FRY: variants seen among roughly 807,000 people sequenced by gnomAD.
The protein encoded by FRY is protein furry homolog.
Under a neutral mutation model 348.4 loss-of-function variants are expected in FRY, and 128 were observed. The observed-to-expected ratio is 0.37, with a 90% CI of 0.32 to 0.43. The LOEUF is 0.43. Among genes scored for constraint, FRY ranks in the 20% least tolerant of loss-of-function variants. The pLI, the probability that FRY is intolerant of heterozygous loss-of-function variation, is 1.00. For synonymous variants in FRY, 1,370 were observed against 1,374.7 expected, an observed-to-expected ratio of 1.00 and a Z score of 0.08; for missense variants, 2,736 against 3,695.2, an observed-to-expected ratio of 0.74 and a Z score of 6.73.
intron 16 of FRY, among the ~76,000 whole-genome samples, chr13:32,158,873 G>A (rs1459047750): frequency 7.0e-6 from 1 of 143,800 alleles, no homozygotes; most frequent in Non-Finnish European, 1.5e-5. Flanking sequence ...AGCCAAGATT[G>A]CACCACTGCA....
chr13:32,070,844 G>C (rs2138494497), intron 1 of FRY, among the ~76,000 whole-genome samples: 1 of 152,186 alleles, frequency 6.6e-6, no homozygotes, highest in East Asian at 1.9e-4. Flanking sequence ...TATGGTTTTA[G>C]GTCTAACATT....
At chr13:32,106,857 A>G (rs1566074571) in intron 3 of FRY, among the ~76,000 whole-genome samples, 1 of 152,252 alleles carries the variant, frequency 6.6e-6, no homozygotes, top group Non-Finnish European at 1.5e-5. Flanking sequence ...TGCCCAAAGT[A>G]GAACTATTTA....
chr13:32,235,489 T>A (rs1886176800), intron 42 of FRY, among the ~76,000 whole-genome samples: 1 of 152,162 alleles, frequency 6.6e-6, no homozygotes, highest in Non-Finnish European at 1.5e-5. Flanking sequence ...CTAGGCGTGG[T>A]AGCACACGCC....
chr13:32,119,074 G>A (rs1878484640), intron 4 of FRY, among the ~76,000 whole-genome samples: 1 of 152,168 alleles, frequency 6.6e-6, no homozygotes, highest in African/African-American at 2.4e-5. Context: ...ATTTTCAGGA[G>A]ATCAGAGTAA....
In FRY at chr13:32,260,596, C is replaced by T. The variant is rs184222542; in HGVS notation, c.7417-1020C>T. Among the ~76,000 whole-genome samples the T allele has an allele frequency of 1.1e-4, 17 of 152,226 alleles. No individual in the cohort carries two copies. The East Asian group carries it at 1.5e-3, about 14-fold the overall frequency. Reference sequence around the variant, plus strand: ...ACAAATCAACAATAATATTTGGGGCCGGGTGCAGTGGCTCACGCCTGTAAT... The same window carrying T: ...ACAAATCAACAATAATATTTGGGGCTGGGTGCAGTGGCTCACGCCTGTAAT... On this transcript the variant is annotated intron_variant, in intron 51 of 60. Transcript: ENST00000542859.
At chr13:32,161,293 T>A (rs902515012) in intron 17 of FRY, 42 bp downstream of exon 17, 2 of 1,133,488 alleles carry the variant, frequency 1.8e-6, no homozygotes, top group Non-Finnish European at 2.7e-6. Flanking sequence ...TTTCGATCCT[T>A]TGTTGTGACT....
rs1313766523 is a variant in FRY at position 32,179,040 on chromosome 13, T to C, written c.2871+7T>C. The C allele has an allele frequency of 2.5e-6, 4 of 1,608,524 alleles. No homozygotes were observed. The East Asian group carries it at 6.7e-5, about 27-fold the overall frequency. On this transcript the variant is annotated splice_region_variant and intron_variant, in intron 22 of 60. Coordinates refer to ENST00000542859, the MANE Select transcript of FRY (RefSeq NM_023037.3). ...AGTGAGCTACGATAACAAGGTGACA[T>C]GACATGCTTCAGAAGAATTATTCTG...
At position 32,267,241 on chromosome 13, in the gene FRY, A is replaced by G. The variant is rs1887969432; in HGVS notation, c.8018A>G (p.Gln2673Arg). 6.2e-7 allele frequency: 1 copy of G among 1,614,130 alleles called. No homozygotes were observed. Among genetic ancestry groups the G allele is most frequent in the East Asian group, 2.2e-5 (1 of 44,882 alleles). The part of the protein sequence containing the change: ...PFFSAILAAF[Q>R]PAACDDAEEA... ...TTCTCAGCCATCCTTGCCGCCTTTC[A>G]GCCCGCAGCCTGTGACGATGCCGAG... Residue 2673 changes from glutamine (Q) to arginine (R), a missense_variant, in exon 55 of 61, where the codon CAG becomes CGG. Around this residue, in one of 9 missense-constraint regions of FRY, gnomAD observed 789 missense variants for 996.2 expected, o/e 0.79. Transcript: ENST00000542859.
At chr13:32,227,814 C>T (rs1001667999) in intron 39 of FRY, among the ~76,000 whole-genome samples, 20 of 150,292 alleles carry the variant, frequency 1.3e-4, no homozygotes, top group East Asian at 3.9e-4. Context: ...CGCAGCGGCG[C>T]GATCTCAGCT....
chr13:32,247,540 A>G (rs756053925), intron 48 of FRY, 38 bp downstream of exon 48: 9 of 1,485,628 alleles, frequency 6.1e-6, no homozygotes, highest in African/African-American at 2.8e-5. Context: ...GAACTTTAGC[A>G]TGAATTTGTA....
At chr13:32,145,791 G>A (rs149962573) in intron 11 of FRY, among the ~76,000 whole-genome samples, 9,595 of 151,462 alleles carry the variant, frequency 0.063, 406 homozygotes, top group Non-Finnish European at 0.095. Flanking sequence ...TGATCCACCC[G>A]CCTCGGCCTC....
Position 32,295,289 on chromosome 13 carries a change from G to A in FRY, c.8871G>A (p.Leu2957=). The change falls in exon 61 of 61, where the codon CTG becomes CTA. Residue 2957 remains leucine (L), a synonymous_variant. Transcript: ENST00000542859. ...ATATTTATTTCCGTCACCAAACTCT[G>A]GGACAGACGGGTACTTATGCCCTGG... is the stretch of plus-strand genomic sequence containing the variant. ...LLNIYFRHQT[L]GQTGTYALVG... The A allele has an allele frequency of 6.2e-7, 1 of 1,613,954 alleles. No individual in the cohort carries two copies. The highest frequency in any genetic ancestry group is 8.5e-7 in the Non-Finnish European group (1 of 1,179,866).
chr13:32,223,349 G>A (rs112679876), intron 36 of FRY, among the ~76,000 whole-genome samples: 30 of 152,196 alleles, frequency 2.0e-4, no homozygotes, highest in African/African-American at 5.3e-4. Flanking sequence ...TTTTCTTTTC[G>A]TATATCTGTA....
Position 32,066,568 on chromosome 13 carries a change from A to G in FRY, c.71-12266A>G, listed in dbSNP as rs1195212557. On this transcript the variant is annotated intron_variant, in intron 1 of 60. Transcript: ENST00000542859. Reference sequence around the variant, plus strand: ...CCACTTCTTCAGCACCTTAATCATCATAACAAGTGCAGGTCTGTTTGTGTA... The same window carrying G: ...CCACTTCTTCAGCACCTTAATCATCGTAACAAGTGCAGGTCTGTTTGTGTA... Among the ~76,000 whole-genome samples the G allele has an allele frequency of 3.3e-5, 5 of 152,236 alleles. No individual in the cohort carries two copies. In the East Asian group the frequency reaches 9.6e-4, roughly 29 times the overall value.
At chr13:32,221,704 G>A (rs999799590) in intron 36 of FRY, among the ~76,000 whole-genome samples, 1 of 152,116 alleles carries the variant, frequency 6.6e-6, no homozygotes. Flanking sequence ...GTAGAGACAG[G>A]GTTTCACCAT....
At chr13:32,125,477 C>G (rs1878962647) in intron 7 of FRY, among the ~76,000 whole-genome samples, 1 of 152,158 alleles carries the variant, frequency 6.6e-6, no homozygotes, top group South Asian at 2.1e-4. Context: ...TTGTCCAACC[C>G]TGAGGCAAAT....
intron 29 of FRY, among the ~76,000 whole-genome samples, chr13:32,195,797 T>C (rs1050951248): frequency 6.6e-6 from 1 of 152,212 alleles, no homozygotes; most frequent in Non-Finnish European, 1.5e-5. Context: ...CTTGGTTTCT[T>C]AGACAAATAT....
intron 16 of FRY, among the ~76,000 whole-genome samples, chr13:32,157,704 C>T (rs1179545231): frequency 6.6e-6 from 1 of 152,176 alleles, no homozygotes; most frequent in Non-Finnish European, 1.5e-5. Flanking sequence ...ACCATCACAA[C>T]TCATGTGACA....
intron 59 of FRY, chr13:32,291,862 G>C (rs978422046): frequency 1.1e-5 from 4 of 348,908 alleles, no homozygotes; most frequent in Non-Finnish European, 2.4e-5. Flanking sequence ...AATAGCAAGA[G>C]AACTAGAATT....
Sources: gnomAD v4.1 joint callset for allele counts (sites outside exome capture counted in the v4.1 genomes callset) on GRCh38, gnomAD v4.1.1 for gene constraint, gnomAD v4.1.1 regional missense constraint, MANE v1.5 for transcripts, NCBI Gene and HGNC (gene_info 2026-07-23, HGNC 2026-07-21) for gene names.